The following PLEKHG5 variants were observed in gnomAD, a reference collection of about 807,000 sequenced individuals.
PLEKHG5 encodes the protein pleckstrin homology domain-containing family G member 5.
A neutral mutation model predicts 103.8 loss-of-function variants in PLEKHG5; 52 were observed. That is an observed-to-expected ratio of 0.50 (90% confidence interval 0.40 to 0.63). The LOEUF (loss-of-function observed/expected upper bound fraction) is 0.63. PLEKHG5 is among the 30% of genes least tolerant of loss of function. The pLI is 0.00. For missense variants in PLEKHG5, 1,205 were observed against 1,347.6 expected (o/e 0.89, Z 1.66); for synonymous variants, 592 against 575.5 (o/e 1.03, Z -0.41).
chr1:6,509,802 C>T (rs1638425389), intron 1 of PLEKHG5, among the ~76,000 whole-genome samples: 1 of 152,196 alleles, frequency 6.6e-6, no homozygotes, highest in Non-Finnish European at 1.5e-5. Flanking sequence ...AGAGAGCCCC[C>T]CAGGGTGTCA....
At position 6,471,599 on chromosome 1, in the gene PLEKHG5, G is replaced by T. The variant is rs771928245; in HGVS notation, c.1170C>A (p.Ile390=). The T allele has an allele frequency of 6.9e-6, 11 of 1,595,282 alleles. No homozygotes were observed. The highest frequency in any genetic ancestry group is 8.5e-6 in the Non-Finnish European group (10 of 1,172,050). The change falls in exon 12 of 21, where the codon ATC becomes ATA. Residue 390 remains isoleucine, a synonymous_variant. Coordinates refer to ENST00000377728, the MANE Select transcript of PLEKHG5 (RefSeq NM_020631.6). ...CCCACAGCCTGCGGTGCAGCTGCGCGATCTCCGGGATGTTGCTGAACAGGC... is the reference window on the plus strand; with the variant it reads ...CCCACAGCCTGCGGTGCAGCTGCGCTATCTCCGGGATGTTGCTGAACAGGC... ...AERLFSNIPE[I]AQLHRRLWAS...
chr1:6,482,344 T>C (rs1200845911), intron 1 of PLEKHG5, among the ~76,000 whole-genome samples: 1 of 152,204 alleles, frequency 6.6e-6, no homozygotes, highest in Non-Finnish European at 1.5e-5. Flanking sequence ...AAATCCTTGT[T>C]TCATTTATGA....
chr1:6,503,493 T>C (rs1645318207), intron 1 of PLEKHG5, among the ~76,000 whole-genome samples: 2 of 149,884 alleles, frequency 1.3e-5, no homozygotes, highest in Admixed American at 6.6e-5. Context: ...ACTGAACCTC[T>C]GCCTCCCGGG....
upstream of PLEKHG5, among the ~76,000 whole-genome samples, chr1:6,495,769 G>C (rs1422789425): frequency 6.6e-6 from 1 of 152,210 alleles, no homozygotes; most frequent in Non-Finnish European, 1.5e-5. Flanking sequence ...GTGGGCCTTG[G>C]CCAAGTCACT....
rs749812123 is a variant in PLEKHG5 at position 6,469,575 on chromosome 1, G to T, written c.1902C>A (p.Asp634Glu). ...CCCGTAGCTCCCGGCACACAATCTT[G>T]TCCACGAGCAGGGGTGGCCTGATGA... Reference protein sequence around the residue: ...TRVIRPPLLVDKIVCRELRDP... With the variant: ...TRVIRPPLLVEKIVCRELRDP... Residue 634 changes from aspartate (D) to glutamate (E), a missense_variant, in exon 17 of 21, where the codon GAC becomes GAA. Physicochemically the swap from Asp to Glu is conservative, Grantham distance 45 (BLOSUM62 2). Coordinates refer to ENST00000377728, the MANE Select transcript of PLEKHG5 (RefSeq NM_020631.6). 18 of 1,613,750 alleles carry T rather than the reference G, an allele frequency of 1.1e-5. No individual in the cohort carries two copies. The highest frequency in any genetic ancestry group is 2.2e-5 in the East Asian group (1 of 44,900).
At chr1:6,511,275 C>T (rs930814603) in intron 1 of PLEKHG5, among the ~76,000 whole-genome samples, 1 of 152,174 alleles carries the variant, frequency 6.6e-6, no homozygotes, top group Non-Finnish European at 1.5e-5. Context: ...CCCCTCCCCA[C>T]AGTCTCTGAT....
At chr1:6,516,838 G>A (rs1557774753) in intron 1 of PLEKHG5, among the ~76,000 whole-genome samples, 2 of 139,156 alleles carry the variant, frequency 1.4e-5, no homozygotes, top group South Asian at 2.3e-4. Context: ...ATATGTGTGT[G>A]TATATATATA....
chr1:6,496,802 CTT>C, upstream of PLEKHG5: 1 of 554,276 alleles, frequency 1.8e-6, no homozygotes, highest in South Asian at 2.8e-5. Context: ...GAGAAAACAT[CTT>C]TGGAAATACG....
intron 1 of PLEKHG5, among the ~76,000 whole-genome samples, chr1:6,504,838 G>A (rs534780719): frequency 2.0e-5 from 3 of 152,226 alleles, no homozygotes; most frequent in Non-Finnish European, 4.4e-5. Flanking sequence ...CAAAGTGCTG[G>A]GATTACAGGC....
At chr1:6,508,384 C>T (rs1476340438) in intron 1 of PLEKHG5, among the ~76,000 whole-genome samples, 1 of 152,214 alleles carries the variant, frequency 6.6e-6, no homozygotes, top group Non-Finnish European at 1.5e-5. Context: ...TCCTGCTGCC[C>T]GGCTGTCCTC....
intron 2 of PLEKHG5, among the ~76,000 whole-genome samples, chr1:6,477,044 G>A (rs1468440034): frequency 6.6e-6 from 1 of 152,156 alleles, no homozygotes; most frequent in African/African-American, 2.4e-5. Context: ...GGGTGCCTGC[G>A]AGCCACTCCT....
At chr1:6,484,947 G>A (rs1463169079) in intron 1 of PLEKHG5, among the ~76,000 whole-genome samples, 1 of 152,196 alleles carries the variant, frequency 6.6e-6, no homozygotes, top group Non-Finnish European at 1.5e-5. Context: ...GGGGCCAGAG[G>A]CACAAGGAGA....
In PLEKHG5 at chr1:6,467,273, A is replaced by G. The variant is rs14708; in HGVS notation, c.*290T>C. On this transcript the variant is annotated 3_prime_UTR_variant, in exon 21 of 21. Coordinates refer to ENST00000377728, the MANE Select transcript of PLEKHG5 (RefSeq NM_020631.6). ...ACTGGAGGCCAGTGAGGGTAGAAGT[A>G]GGATGGGCAGCCTAGGAGCCCAGCC... 101,296 of 567,324 alleles carry G rather than the reference A, an allele frequency of 0.18. 14,501 individuals carry two copies. Among genetic ancestry groups the G allele is most frequent in the African/African-American group, 0.58 (30,937 of 53,352 alleles). 35.1% of individuals were successfully genotyped at this position (567,324 alleles called of 1,614,324 possible).
At chr1:6,513,948 A>G (rs1230695366) in intron 1 of PLEKHG5, among the ~76,000 whole-genome samples, 2 of 152,234 alleles carry the variant, frequency 1.3e-5, no homozygotes, top group Non-Finnish European at 2.9e-5. Context: ...TCTTGGCATT[A>G]CAGAGGAGGC....
At chr1:6,514,947 A>C (rs759480701) in intron 1 of PLEKHG5, among the ~76,000 whole-genome samples, 4 of 151,596 alleles carry the variant, frequency 2.6e-5, no homozygotes, top group Non-Finnish European at 5.9e-5. Flanking sequence ...CCAGTTATTC[A>C]GGAGGCTGAG....
Position 6,468,992 on chromosome 1 carries a change from TAGA to T in PLEKHG5, c.2249+47_2249+49del, listed in dbSNP as rs752156524. 1.4e-5 allele frequency: 21 copies of T among 1,482,828 alleles called. 1 individual carries two copies. The South Asian group carries it at 2.4e-4, about 17-fold the overall frequency. The allele number at this position is 1,482,828 out of a possible 1,614,324, so 91.9% of individuals were successfully genotyped here. A position where few individuals can be genotyped will look rare whatever the true frequency, so the allele number is the denominator to read the frequency against. ...GGCTGGGCCTTCAGGAGTCCTGGGC[TAGA>T]GTACTTGTCCTGGTTTGACCTGCTG... On this transcript the variant is annotated intron_variant, in intron 19 of 20. Coordinates refer to ENST00000377728, the MANE Select transcript of PLEKHG5 (RefSeq NM_020631.6).
chr1:6,475,174 T>C (rs1192416236), intron 4 of PLEKHG5, 36 bp from the exon 5 acceptor site: 1 of 1,201,742 alleles, frequency 8.3e-7, no homozygotes, highest in Non-Finnish European at 1.2e-6. Flanking sequence ...TGTGAGCTTC[T>C]CCTCACCGCC....
intron 1 of PLEKHG5, among the ~76,000 whole-genome samples, chr1:6,484,984 G>A (rs1031108587): frequency 6.6e-6 from 1 of 152,198 alleles, no homozygotes; most frequent in African/African-American, 2.4e-5. Context: ...GTAGGAGGAG[G>A]CTGTGGGCAG....
At chr1:6,492,578 C>T (rs1205408409), upstream of PLEKHG5, among the ~76,000 whole-genome samples, 1 of 152,110 alleles carries the variant, frequency 6.6e-6, no homozygotes, top group East Asian at 1.9e-4. Context: ...CTAGAGGTGA[C>T]TTTGTTACCC....
Sources: allele counts gnomAD v4.1 joint callset (sites outside exome capture counted in the v4.1 genomes callset), GRCh38; gene constraint gnomAD v4.1.1; transcripts MANE v1.5; gene names NCBI Gene and HGNC (gene_info 2026-07-23, HGNC 2026-07-21).